Variants in NELL1 observed in about 807,000 individuals in gnomAD.
NELL1 encodes protein kinase C-binding protein NELL1.
A neutral mutation model predicts 107.4 loss-of-function variants in NELL1; 76 were observed. The ratio of observed to expected loss-of-function variants is 0.71; its 90% CI spans 0.59 to 0.86. The LOEUF (loss-of-function observed/expected upper bound fraction) is 0.86, where lower values mean the gene tolerates loss of function less well. Among genes scored for constraint, NELL1 ranks in the 40% least tolerant of loss-of-function variants. The probability of loss-of-function intolerance (pLI) is 0.00; values close to 1 mark genes in which losing one functional copy is unlikely to be tolerated. For missense variants in NELL1, 1,024 were observed against 1,005.5 expected (o/e 1.02, Z -0.25); for synonymous variants, 353 against 341.2 (o/e 1.03, Z -0.38).
intron 3 of NELL1, among the ~76,000 whole-genome samples, chr11:20,837,944 C>T (rs1848562652): frequency 6.6e-6 from 1 of 152,064 alleles, no homozygotes; most frequent in South Asian, 2.1e-4. Flanking sequence ...TAACTCCCCA[C>T]TCCTTAAGTG....
chr11:21,315,381 C>T (rs1336749304), intron 14 of NELL1, among the ~76,000 whole-genome samples: 5 of 152,006 alleles, frequency 3.3e-5, no homozygotes, highest in South Asian at 2.1e-4. Flanking sequence ...ACACAAGGGT[C>T]GATTGGAATA....
chr11:21,498,199 C>A (rs1855034725), intron 15 of NELL1, among the ~76,000 whole-genome samples: 1 of 151,300 alleles, frequency 6.6e-6, no homozygotes, highest in Non-Finnish European at 1.5e-5. Flanking sequence ...AATCTAAATT[C>A]TTTTTATATT....
intron 4 of NELL1, among the ~76,000 whole-genome samples, chr11:20,868,384 G>A (rs1564941867): frequency 6.6e-6 from 1 of 152,156 alleles, no homozygotes; most frequent in African/African-American, 2.4e-5. Flanking sequence ...AGTGCTGGGG[G>A]GAGGGTGAAT....
At chr11:21,118,686 T>C (rs1360184037) in intron 13 of NELL1, among the ~76,000 whole-genome samples, 1 of 152,124 alleles carries the variant, frequency 6.6e-6, no homozygotes, top group African/African-American at 2.4e-5. Flanking sequence ...ATTTCCATTA[T>C]TGACATTCCT....
chr11:20,904,004 T>C (rs1305780603), intron 5 of NELL1, among the ~76,000 whole-genome samples: 1 of 152,108 alleles, frequency 6.6e-6, no homozygotes, highest in Non-Finnish European at 1.5e-5. Flanking sequence ...GACAACAGTC[T>C]CTGGTTGTGG....
chr11:21,211,858 C>G (rs1006346118), intron 13 of NELL1, among the ~76,000 whole-genome samples: 1 of 152,036 alleles, frequency 6.6e-6, no homozygotes, highest in Admixed American at 6.6e-5. Context: ...TGGAGTCTCT[C>G]TCTGTCGCCT....
At chr11:21,464,402 CAAAAAAA>C (rs60770584) in intron 15 of NELL1, among the ~76,000 whole-genome samples, 1 of 136,094 alleles carries the variant, frequency 7.3e-6, no homozygotes, top group South Asian at 2.3e-4. Context: ...ATGTCCGTGG[CAAAAAAA>C]AAAAAAAAAA....
chr11:21,292,195 A>G (rs894982462), intron 14 of NELL1, among the ~76,000 whole-genome samples: 1 of 152,170 alleles, frequency 6.6e-6, no homozygotes, highest in Non-Finnish European at 1.5e-5. Flanking sequence ...TCAGCCCAAA[A>G]TCTCCTTAAC....
chr11:21,217,291 A>G (rs560555784), intron 13 of NELL1, among the ~76,000 whole-genome samples: 1 of 152,266 alleles, frequency 6.6e-6, no homozygotes, highest in African/African-American at 2.4e-5. Flanking sequence ...CTTTATCAGC[A>G]GTGTGAGAAC....
intron 15 of NELL1, among the ~76,000 whole-genome samples, chr11:21,518,784 C>G (rs1316555480): frequency 6.6e-6 from 1 of 152,112 alleles, no homozygotes. Flanking sequence ...TACCATGTAA[C>G]TAGATATGTT....
intron 12 of NELL1, among the ~76,000 whole-genome samples, chr11:21,010,621 T>G (rs534813393): frequency 6.6e-6 from 1 of 152,162 alleles, no homozygotes; most frequent in East Asian, 1.9e-4. Flanking sequence ...GTCTAGAAAG[T>G]GAGGGTGAAC....
intron 13 of NELL1, among the ~76,000 whole-genome samples, chr11:21,136,775 G>T (rs1291036260): frequency 1.3e-5 from 2 of 152,214 alleles, no homozygotes; most frequent in East Asian, 1.9e-4. Context: ...ATTTGGGTTG[G>T]TGTCCACTTT....
chr11:21,404,005 A>ACCGC (rs1554905725), intron 15 of NELL1, among the ~76,000 whole-genome samples: 1 of 50,958 alleles, frequency 2.0e-5, no homozygotes, highest in African/African-American at 7.6e-5. Flanking sequence ...TCATTCCTGA[A>ACCGC]CCCCCCCCCC....
At chr11:21,233,399 T>C (rs1858116814) in intron 14 of NELL1, among the ~76,000 whole-genome samples, 3 of 152,198 alleles carry the variant, frequency 2.0e-5, no homozygotes, top group African/African-American at 7.2e-5. Flanking sequence ...TTCCTCCTTT[T>C]CTTTGTCCTC....
At chr11:21,373,037 T>C (rs1020843740) in intron 15 of NELL1, among the ~76,000 whole-genome samples, 2 of 152,042 alleles carry the variant, frequency 1.3e-5, no homozygotes, top group African/African-American at 4.8e-5. Context: ...AAAGTTGACA[T>C]GGAGAATTGC....
intron 2 of NELL1, among the ~76,000 whole-genome samples, chr11:20,706,864 G>T (rs1337150415): frequency 6.6e-6 from 1 of 152,070 alleles, no homozygotes; most frequent in Non-Finnish European, 1.5e-5. Flanking sequence ...TCTTGGAGTT[G>T]CTCTTCTCAA....
intron 15 of NELL1, among the ~76,000 whole-genome samples, chr11:21,445,678 A>G (rs1189174986): frequency 6.6e-6 from 1 of 152,092 alleles, no homozygotes; most frequent in Non-Finnish European, 1.5e-5. Flanking sequence ...ATTGCTTATT[A>G]ATATCCTTTT....
At chr11:21,489,380 C>CAAAAAAAAAAAAATAAAAAAAAAAAA in intron 15 of NELL1, among the ~76,000 whole-genome samples, 1 of 47,800 alleles carries the variant, frequency 2.1e-5, no homozygotes, top group Non-Finnish European at 4.0e-5. Flanking sequence ...GAAAGTATTT[C>CAAAAAAAAAAAAATAAAAAAAAAAAA]AAAAAAAAAA....
intron 12 of NELL1, among the ~76,000 whole-genome samples, chr11:21,013,457 A>C (rs992972180): frequency 6.6e-6 from 1 of 152,142 alleles, no homozygotes; most frequent in African/African-American, 2.4e-5. Context: ...GCACTGGGCT[A>C]TGGACAAGGC....
Sources: allele counts gnomAD v4.1 joint callset (sites outside exome capture counted in the v4.1 genomes callset), GRCh38; gene constraint gnomAD v4.1.1; transcripts MANE v1.5; gene names NCBI Gene and HGNC (gene_info 2026-07-23, HGNC 2026-07-21).